PTPRO: variants seen among roughly 807,000 people sequenced by gnomAD.
PTPRO encodes protein tyrosine phosphatase receptor type O.
A neutral mutation model predicts 145.2 loss-of-function variants in PTPRO; 62 were observed. The ratio of observed to expected loss-of-function variants is 0.43; its 90% CI spans 0.35 to 0.53. The LOEUF is 0.53. PTPRO is among the 20% of genes least tolerant of loss of function. The probability of loss-of-function intolerance (pLI) is 0.01; values close to 1 mark genes in which losing one functional copy is unlikely to be tolerated. For missense variants in PTPRO, 1,345 were observed against 1,482.7 expected (o/e 0.91, Z 1.53); for synonymous variants, 565 against 514.7 (o/e 1.10, Z -1.32).
At chr12:15,586,236 A>G (rs1318599223) in intron 23 of PTPRO, among the ~76,000 whole-genome samples, 1 of 152,220 alleles carries the variant, frequency 6.6e-6, no homozygotes, top group East Asian at 1.9e-4. Flanking sequence ...CCCATAAGGG[A>G]GCAAGGGAAG....
chr12:15,324,317 G>A (rs919571168), intron 1 of PTPRO, among the ~76,000 whole-genome samples: 2 of 152,176 alleles, frequency 1.3e-5, no homozygotes, highest in Non-Finnish European at 2.9e-5. Flanking sequence ...AGGTTTTTGC[G>A]TGAGTTCTTC....
At chr12:15,530,270 CA>C (rs1289190453) in intron 12 of PTPRO, among the ~76,000 whole-genome samples, 2 of 152,130 alleles carry the variant, frequency 1.3e-5, no homozygotes, top group African/African-American at 4.8e-5. Flanking sequence ...GACTTAATTA[CA>C]GTGATAGGAG....
chr12:15,437,649 A>T (rs1309395160), intron 1 of PTPRO, among the ~76,000 whole-genome samples: 1 of 152,060 alleles, frequency 6.6e-6, no homozygotes, highest in Non-Finnish European at 1.5e-5. Flanking sequence ...CTGTTCGTAG[A>T]TATTGGTGCA....
chr12:15,332,576 C>T (rs1866644087), intron 1 of PTPRO, among the ~76,000 whole-genome samples: 1 of 152,170 alleles, frequency 6.6e-6, no homozygotes, highest in Admixed American at 6.5e-5. Flanking sequence ...TAATATATAG[C>T]TTAACAGACC....
At chr12:15,372,970 T>A (rs1420863435) in intron 1 of PTPRO, among the ~76,000 whole-genome samples, 1 of 152,146 alleles carries the variant, frequency 6.6e-6, no homozygotes, top group Non-Finnish European at 1.5e-5. Flanking sequence ...AATTGGAAGT[T>A]GGTTCTGAGT....
chr12:15,547,982 A>C (rs1363243128), intron 13 of PTPRO, among the ~76,000 whole-genome samples: 1 of 152,216 alleles, frequency 6.6e-6, no homozygotes, highest in African/African-American at 2.4e-5. Flanking sequence ...CTTTGACTCA[A>C]GAATAAGTTA....
intron 16 of PTPRO, 69 bp from the exon 17 acceptor site, chr12:15,560,124 T>C: frequency 9.1e-7 from 1 of 1,093,474 alleles, no homozygotes; most frequent in South Asian, 1.2e-5. Context: ...CTGATATCTA[T>C]TCACAGTTTA....
At chr12:15,349,005 A>G (rs906714084) in intron 1 of PTPRO, among the ~76,000 whole-genome samples, 5 of 152,236 alleles carry the variant, frequency 3.3e-5, no homozygotes, top group African/African-American at 1.2e-4. Flanking sequence ...ATAAAGAGCT[A>G]TTCTTAATTA....
intron 1 of PTPRO, among the ~76,000 whole-genome samples, chr12:15,353,168 C>G (rs1416361983): frequency 2.0e-5 from 3 of 152,098 alleles, no homozygotes; most frequent in Non-Finnish European, 4.4e-5. Flanking sequence ...ATAGAAGTCC[C>G]CCTTACCACA....
chr12:15,571,078 G>T (rs981592599), intron 19 of PTPRO, among the ~76,000 whole-genome samples: 3 of 152,164 alleles, frequency 2.0e-5, no homozygotes, highest in African/African-American at 4.8e-5. Flanking sequence ...CAAAGAAAAG[G>T]TTGAGTAGCT....
chr12:15,539,648 G>C (rs1943138490), intron 12 of PTPRO, among the ~76,000 whole-genome samples: 1 of 150,950 alleles, frequency 6.6e-6, no homozygotes, highest in African/African-American at 2.4e-5. Flanking sequence ...TGTAATTCCA[G>C]CTGCTCAGGA....
intron 1 of PTPRO, among the ~76,000 whole-genome samples, chr12:15,431,550 T>C (rs1198877722): frequency 2.0e-5 from 3 of 152,210 alleles, no homozygotes; most frequent in Admixed American, 6.5e-5. Flanking sequence ...GATCTTGTTA[T>C]TTTAAAAGAA....
At chr12:15,375,638 C>T (rs544983025) in intron 1 of PTPRO, among the ~76,000 whole-genome samples, 1 of 151,504 alleles carries the variant, frequency 6.6e-6, no homozygotes, top group Non-Finnish European at 1.5e-5. Context: ...TGCCTGTAAT[C>T]CCAGCTACTT....
intron 1 of PTPRO, among the ~76,000 whole-genome samples, chr12:15,426,041 CT>C (rs1365721340): frequency 6.6e-6 from 1 of 151,374 alleles, no homozygotes; most frequent in African/African-American, 2.4e-5. Context: ...AAATAATTAA[CT>C]TTTTCATACT....
intron 17 of PTPRO, among the ~76,000 whole-genome samples, chr12:15,563,592 T>A (rs1365273988): frequency 6.6e-6 from 1 of 152,100 alleles, no homozygotes; most frequent in Admixed American, 6.6e-5. Flanking sequence ...TGATAATATG[T>A]CATACAAAAC....
intron 1 of PTPRO, among the ~76,000 whole-genome samples, chr12:15,371,559 A>G (rs1274666736): frequency 6.6e-6 from 1 of 152,160 alleles, no homozygotes; most frequent in Non-Finnish European, 1.5e-5. Context: ...TTAAGCACTG[A>G]TTACAATAAG....
chr12:15,581,940 T>A (rs1944329007), intron 23 of PTPRO, 139 bp downstream of exon 23: 1 of 1,153,034 alleles, frequency 8.7e-7, no homozygotes, highest in South Asian at 1.3e-5. Context: ...GAGTGGGAAA[T>A]CAGGGGTCTC....
At chr12:15,483,106 G>T (rs1208716303) in intron 1 of PTPRO, among the ~76,000 whole-genome samples, 1 of 152,098 alleles carries the variant, frequency 6.6e-6, no homozygotes, top group Non-Finnish European at 1.5e-5. Context: ...TTGAGGCTCA[G>T]TGCAGTGAAT....
chr12:15,380,454 G>T (rs536203238), intron 1 of PTPRO, among the ~76,000 whole-genome samples: 1 of 152,036 alleles, frequency 6.6e-6, no homozygotes. Flanking sequence ...AGAGAGAGAA[G>T]TCAGATGAAC....
Sources: gnomAD v4.1 joint callset for allele counts (sites outside exome capture counted in the v4.1 genomes callset) on GRCh38, gnomAD v4.1.1 for gene constraint, MANE v1.5 for transcripts, NCBI Gene and HGNC (gene_info 2026-07-23, HGNC 2026-07-21) for gene names.